The following GABRA6 variants were observed in gnomAD, a reference collection of about 807,000 sequenced individuals.
GABRA6 encodes gamma-aminobutyric acid receptor subunit alpha-6.
GABRA6 carries 45 observed loss-of-function variants against 47.3 expected under a neutral mutation model. The observed-to-expected ratio is 0.95, with a 90% confidence interval of 0.75 to 1.22. The LOEUF (loss-of-function observed/expected upper bound fraction) is 1.22. Among genes scored for constraint, GABRA6 ranks in the 50% most tolerant of loss-of-function variants. The pLI is 0.00. For synonymous variants in GABRA6, 219 were observed against 194.7 expected, an observed-to-expected ratio of 1.12 and a Z score of -1.04; for missense variants, 583 against 549.3, an observed-to-expected ratio of 1.06 and a Z score of -0.61.
chr5:161,689,343 T>C lies in GABRA6; in HGVS notation c.529+7T>C. On this transcript the variant is annotated splice_region_variant and intron_variant, in intron 5 of 8. Coordinates refer to ENST00000274545, the MANE Select transcript of GABRA6 (RefSeq NM_000811.3). ...CCACTCAAGTTTGGGAGCTGTAAGT[T>C]ACAACAGGCTTCTGAGAGTCAAATA... The C allele has an allele frequency of 6.2e-7, 1 of 1,611,512 alleles. No homozygotes were observed. Among genetic ancestry groups the C allele is most frequent in the Non-Finnish European group, 8.5e-7 (1 of 1,177,636 alleles).
At position 161,685,970 on chromosome 5, in the gene GABRA6, G is replaced by C; in HGVS notation, c.-20G>C. The C allele has an allele frequency of 2.5e-6, 4 of 1,612,244 alleles. No individual in the cohort carries two copies. The highest frequency in any genetic ancestry group is 3.4e-6 in the Non-Finnish European group (4 of 1,178,276). Reference sequence around the variant, plus strand: ...GGACGACCCTAGGAGGGTGAATTCTGCATTTCAGTGCACTGCAGGATGGCG... The same window carrying C: ...GGACGACCCTAGGAGGGTGAATTCTCCATTTCAGTGCACTGCAGGATGGCG... On this transcript the variant is annotated 5_prime_UTR_variant, in exon 1 of 9. Transcript: ENST00000274545.
At chr5:161,697,242 CA>C (rs1341864459) in intron 8 of GABRA6, among the ~76,000 whole-genome samples, 3 of 152,176 alleles carry the variant, frequency 2.0e-5, no homozygotes, top group African/African-American at 7.2e-5. Flanking sequence ...TGGACTCTGA[CA>C]AAAGCCTATT....
intron 1 of GABRA6, 26 bp downstream of exon 1, chr5:161,686,053 T>G (rs760188021): frequency 6.2e-7 from 1 of 1,610,024 alleles, no homozygotes; most frequent in South Asian, 1.1e-5. Context: ...TTTCCTGATT[T>G]TTCTTTTTAT....
At chr5:161,691,593 C>T (rs1375362061) in intron 7 of GABRA6, among the ~76,000 whole-genome samples, 1 of 151,890 alleles carries the variant, frequency 6.6e-6, no homozygotes, top group East Asian at 1.9e-4. Context: ...AACCACCGCG[C>T]CCGGCCTCAA....
chr5:161,702,085 A>G lies in GABRA6; in HGVS notation c.*312A>G, dbSNP rs1754992785. The G allele has an allele frequency of 2.9e-6, 1 of 347,120 alleles. No individual in the cohort carries two copies. Among genetic ancestry groups the G allele is most frequent in the Non-Finnish European group, 5.4e-6 (1 of 185,942 alleles). 21.5% of individuals were successfully genotyped at this position (347,120 alleles called of 1,614,324 possible). A position where few individuals can be genotyped will look rare whatever the true frequency, so the allele number is the denominator to read the frequency against. On this transcript the variant is annotated 3_prime_UTR_variant, in exon 9 of 9. Coordinates refer to ENST00000274545, the MANE Select transcript of GABRA6 (RefSeq NM_000811.3). ...GTTCAGTATTTTTAATTGTCACTGT[A>G]AATAACATTTACCACAAGGCAGATA... is the stretch of plus-strand genomic sequence containing the variant.
rs2113072151 is a variant in GABRA6, at chr5:161,690,257, A to C, written c.730A>C (p.Met244Leu). The C allele has an allele frequency of 6.2e-7, 1 of 1,613,788 alleles. No individual in the cohort carries two copies. Among genetic ancestry groups the C allele is most frequent in the Non-Finnish European group, 8.5e-7 (1 of 1,179,742 alleles). Residue 244 changes from methionine to leucine, a missense_variant, in exon 7 of 9, where the codon ATG (methionine) becomes CTG (leucine). Met to Leu is a conservative substitution (Grantham distance 15). Coordinates refer to ENST00000274545, the MANE Select transcript of GABRA6 (RefSeq NM_000811.3). ...CTTGCAAAGGAAGATGGGCTACTTC[A>C]TGATACAGATATACACTCCTTGCAT... is the stretch of plus-strand genomic sequence containing the variant. ...FHLQRKMGYF[M>L]IQIYTPCIMT...
At chr5:161,699,557 CTT>C (rs35617127) in intron 8 of GABRA6, among the ~76,000 whole-genome samples, 21 of 129,030 alleles carry the variant, frequency 1.6e-4, no homozygotes, top group Admixed American at 1.6e-4. Context: ...CAGCTGTCAT[CTT>C]TTTTTTTTTT....
chr5:161,694,475 C>A (rs751385008), intron 8 of GABRA6, among the ~76,000 whole-genome samples: 9 of 151,928 alleles, frequency 5.9e-5, no homozygotes, highest in Admixed American at 1.3e-4. Flanking sequence ...AACGTAATCA[C>A]CCCCTCAGGC....
chr5:161,700,763 T>C (rs771098237), intron 8 of GABRA6, among the ~76,000 whole-genome samples: 5 of 152,048 alleles, frequency 3.3e-5, no homozygotes, highest in Non-Finnish European at 5.9e-5. Flanking sequence ...GTTTAGTAAA[T>C]GAATCATTTT....
chr5:161,698,261 T>C (rs1396658042), intron 8 of GABRA6, among the ~76,000 whole-genome samples: 3 of 152,114 alleles, frequency 2.0e-5, no homozygotes, highest in Non-Finnish European at 4.4e-5. Context: ...AAAATAATTA[T>C]ACCTACAAAA....
At chr5:161,691,646 C>T (rs373520056) in intron 7 of GABRA6, among the ~76,000 whole-genome samples, 11 of 152,056 alleles carry the variant, frequency 7.2e-5, no homozygotes, top group African/African-American at 2.7e-4. Flanking sequence ...CAAGTTCTCT[C>T]AAGCCCTAAA....
chr5:161,689,710 T>A lies in GABRA6; in HGVS notation c.604T>A (p.Ser202Thr). 1 of 1,611,422 alleles carries A rather than the reference T, an allele frequency of 6.2e-7. No homozygotes were observed. The highest frequency in any genetic ancestry group is 1.7e-5 in the Admixed American group (1 of 60,026). ...PLYSVEVPEE[S>T]SSLLQYDLIG... ...TTACTCAGTAGAAGTCCCAGAAGAA[T>A]CTTCAAGCCTTCTCCAGTATGATCT... is the stretch of plus-strand genomic sequence containing the variant. Residue 202 changes from serine to threonine, a missense_variant, in exon 6 of 9, where the codon TCT becomes ACT. Ser to Thr is a moderately conservative substitution (Grantham distance 58). Transcript: ENST00000274545.
chr5:161,688,910 T>A, intron 3 of GABRA6, 39 bp from the exon 4 acceptor site: 1 of 1,558,000 alleles, frequency 6.4e-7, no homozygotes, highest in Non-Finnish European at 8.8e-7. Context: ...CTTAGCAAAC[T>A]ATCTTTCCAG....
intron 8 of GABRA6, among the ~76,000 whole-genome samples, chr5:161,695,776 A>G (rs56883466): frequency 0.027 from 4,051 of 152,194 alleles, 170 homozygotes; most frequent in African/African-American, 0.085. Flanking sequence ...GACAATTACT[A>G]TATTTATGTT....
At chr5:161,694,344 G>A (rs1324601879) in intron 8 of GABRA6, among the ~76,000 whole-genome samples, 1 of 150,544 alleles carries the variant, frequency 6.6e-6, no homozygotes, top group African/African-American at 2.4e-5. Flanking sequence ...AGAAAAAAAA[G>A]GATCCATTTT....
chr5:161,691,766 T>C (rs894819282), intron 7 of GABRA6, among the ~76,000 whole-genome samples, 175 bp from the exon 8 acceptor site: 3 of 151,994 alleles, frequency 2.0e-5, no homozygotes, highest in South Asian at 2.1e-4. Context: ...ATTGAAAGAT[T>C]CAGAAATGAT....
Position 161,702,025 on chromosome 5 carries a change from G to T in GABRA6, c.*252G>T. On this transcript the variant is annotated 3_prime_UTR_variant, in exon 9 of 9. Transcript: ENST00000274545. ...GAAAAACTTTATGAGGATGAAATGG[G>T]TTCAAGATGAATTTGTCAACTTTTG... is the stretch of plus-strand genomic sequence containing the variant. The T allele has an allele frequency of 4.1e-6, 2 of 481,984 alleles. No individual in the cohort carries two copies. The highest frequency in any genetic ancestry group is 5.4e-5 in the South Asian group (2 of 37,166). 29.9% of individuals were successfully genotyped at this position (481,984 alleles called of 1,614,324 possible). A position where few individuals can be genotyped will look rare whatever the true frequency, so the allele number is the denominator to read the frequency against.
At chr5:161,691,078 G>A (rs1754779498) in intron 7 of GABRA6, among the ~76,000 whole-genome samples, 1 of 151,544 alleles carries the variant, frequency 6.6e-6, no homozygotes, top group East Asian at 1.9e-4. Flanking sequence ...AATTCCCCAG[G>A]CCATAGTTCA....
At position 161,702,431 on chromosome 5, in the gene GABRA6, T is replaced by A. The variant is rs756131944; in HGVS notation, c.*658T>A. The A allele has an allele frequency of 6.6e-6, 1 of 152,334 alleles. No individual in the cohort carries two copies. Among genetic ancestry groups the A allele is most frequent in the African/African-American group, 2.4e-5 (1 of 41,470 alleles). The allele number at this position is 152,334 out of a possible 1,614,324, so 9.4% of individuals were successfully genotyped here. Reference sequence around the variant, plus strand: ...TTGGACTAAAATTCAGTGTGTTTTATCCTACTAAATTCTCCTTTTAAAATA... The same window carrying A: ...TTGGACTAAAATTCAGTGTGTTTTAACCTACTAAATTCTCCTTTTAAAATA... On this transcript the variant is annotated 3_prime_UTR_variant, in exon 9 of 9. Coordinates refer to ENST00000274545, the MANE Select transcript of GABRA6 (RefSeq NM_000811.3).
Sources: allele counts gnomAD v4.1 joint callset (sites outside exome capture counted in the v4.1 genomes callset), GRCh38; gene constraint gnomAD v4.1.1; transcripts MANE v1.5; gene names NCBI Gene and HGNC (gene_info 2026-07-23, HGNC 2026-07-21).